Variants in TBC1D5 observed in about 807,000 individuals in gnomAD.
TBC1D5 encodes TBC1 domain family member 5, also known as TBC1 domain family, member 5.
Under a neutral mutation model 100.3 loss-of-function variants are expected in TBC1D5, and 75 were observed. The ratio of observed to expected loss-of-function variants is 0.75; its 90% CI spans 0.62 to 0.91. The LOEUF (loss-of-function observed/expected upper bound fraction) is 0.91. Among genes scored for constraint, TBC1D5 ranks in the 40% least tolerant of loss-of-function variants. The probability of loss-of-function intolerance (pLI) is 0.00; values close to 1 mark genes in which losing one functional copy is unlikely to be tolerated. For missense variants in TBC1D5, 910 were observed against 942.4 expected (o/e 0.97, Z 0.45); for synonymous variants, 323 against 325.6 (o/e 0.99, Z 0.09).
intron 11 of TBC1D5, 39 bp from the exon 12 acceptor site, chr3:17,374,579 A>C (rs2092622080): frequency 6.2e-7 from 1 of 1,609,148 alleles, no homozygotes; most frequent in South Asian, 1.1e-5. Context: ...AACTTTCATT[A>C]AAATAATGAT....
chr3:17,666,071 A>G (rs1308660393), intron 1 of TBC1D5, among the ~76,000 whole-genome samples: 1 of 152,216 alleles, frequency 6.6e-6, no homozygotes, highest in Non-Finnish European at 1.5e-5. Context: ...CCATGTTTTT[A>G]AAAGTATTAT....
chr3:17,694,753 A>G (rs2071739987), intron 1 of TBC1D5, among the ~76,000 whole-genome samples: 1 of 152,170 alleles, frequency 6.6e-6, no homozygotes, highest in African/African-American at 2.4e-5. Flanking sequence ...AGAACACCAT[A>G]AAGATACTCC....
rs1193430526 is a variant in TBC1D5 at position 17,406,403 on chromosome 3, A to G, written c.276+15T>C. ...TATTGCAACCAGAAACTGTAAATAA[A>G]TATTTTCTTCTTACCTTCCAGCAAA... On this transcript the variant is annotated intron_variant, in intron 5 of 21. Coordinates refer to ENST00000253692, the Ensembl canonical transcript of TBC1D5. The G allele has an allele frequency of 2.5e-6, 4 of 1,601,356 alleles. No individual in the cohort carries two copies. Among genetic ancestry groups the G allele is most frequent in the Non-Finnish European group, 3.4e-6 (4 of 1,175,200 alleles).
chr3:17,244,728 T>C (rs1429384857), intron 16 of TBC1D5, among the ~76,000 whole-genome samples: 1 of 152,198 alleles, frequency 6.6e-6, no homozygotes, highest in Non-Finnish European at 1.5e-5. Flanking sequence ...AACTCTGTCA[T>C]TATTGATCTG....
intron 13 of TBC1D5, among the ~76,000 whole-genome samples, chr3:17,351,351 C>A (rs928984060): frequency 6.6e-6 from 1 of 152,088 alleles, no homozygotes; most frequent in Non-Finnish European, 1.5e-5. Flanking sequence ...CAATGTTAGA[C>A]TGGATAAGGA....
intron 2 of TBC1D5, among the ~76,000 whole-genome samples, chr3:17,574,234 G>A (rs2096644267): frequency 6.6e-6 from 1 of 151,952 alleles, no homozygotes; most frequent in Non-Finnish European, 1.5e-5. Flanking sequence ...GCATCTCTGT[G>A]TGGTATTTAA....
At chr3:17,533,011 C>T (rs996542101) in intron 2 of TBC1D5, among the ~76,000 whole-genome samples, 1 of 150,842 alleles carries the variant, frequency 6.6e-6, no homozygotes, top group African/African-American at 2.4e-5. Context: ...AAAATTTGAT[C>T]ACACCACTGC....
chr3:17,506,160 A>G (rs543822183), intron 3 of TBC1D5, among the ~76,000 whole-genome samples: 1 of 152,350 alleles, frequency 6.6e-6, no homozygotes, highest in African/African-American at 2.4e-5. Context: ...CCCAGGTAAG[A>G]CATATATTAA....
chr3:17,443,943 T>C (rs1181432654), intron 3 of TBC1D5, among the ~76,000 whole-genome samples: 1 of 152,170 alleles, frequency 6.6e-6, no homozygotes, highest in African/African-American at 2.4e-5. Context: ...AGCCTCCCAG[T>C]AAATCTTCAA....
chr3:17,701,329 G>T (rs752074604), intron 1 of TBC1D5, among the ~76,000 whole-genome samples: 1 of 152,096 alleles, frequency 6.6e-6, no homozygotes, highest in Non-Finnish European at 1.5e-5. Flanking sequence ...CCTGTTAGGG[G>T]GTAGGGGGCT....
intron 3 of TBC1D5, among the ~76,000 whole-genome samples, chr3:17,488,056 T>C (rs1224192110): frequency 6.6e-6 from 1 of 152,232 alleles, no homozygotes; most frequent in Non-Finnish European, 1.5e-5. Flanking sequence ...TGACAACTTA[T>C]AATGACATGT....
intron 3 of TBC1D5, among the ~76,000 whole-genome samples, chr3:17,485,912 G>A (rs1223577881): frequency 2.6e-5 from 4 of 152,056 alleles, no homozygotes; most frequent in African/African-American, 4.8e-5. Flanking sequence ...CTGAGGAATC[G>A]CCACACTGAC....
intron 3 of TBC1D5, among the ~76,000 whole-genome samples, chr3:17,463,318 A>G (rs1441875505): frequency 1.3e-5 from 2 of 152,166 alleles, no homozygotes; most frequent in African/African-American, 4.8e-5. Context: ...TAACTTGCTG[A>G]TATTTATTTG....
At chr3:17,736,519 A>G (rs762337676) in intron 1 of TBC1D5, among the ~76,000 whole-genome samples, 4 of 152,178 alleles carry the variant, frequency 2.6e-5, no homozygotes, top group Non-Finnish European at 5.9e-5. Context: ...GTAGACAAAC[A>G]TGGAAATAGT....
At chr3:17,236,094 T>C (rs2075829714) in intron 17 of TBC1D5, among the ~76,000 whole-genome samples, 1 of 152,190 alleles carries the variant, frequency 6.6e-6, no homozygotes, top group Non-Finnish European at 1.5e-5. Context: ...TTTCATCAAT[T>C]GTTCCATCTC....
chr3:17,469,874 G>T (rs112659360), intron 3 of TBC1D5, among the ~76,000 whole-genome samples: 2 of 152,194 alleles, frequency 1.3e-5, no homozygotes, highest in African/African-American at 4.8e-5. Context: ...TTTTTATTAG[G>T]ATATATAACT....
Position 17,530,422 on chromosome 3 carries a change from G to A in TBC1D5, c.-35-21817C>T, listed in dbSNP as rs575356495. 3.3e-5 allele frequency among the ~76,000 whole-genome samples: 5 copies of A among 152,156 alleles called. No homozygotes were observed. The South Asian group carries it at 1.0e-3, about 32-fold the overall frequency. On this transcript the variant is annotated intron_variant, in intron 2 of 21. Coordinates refer to ENST00000253692, the Ensembl canonical transcript of TBC1D5. ...GCTCATTTCTCTCTGTTTAGAGGGA[G>A]TGACCATAATTTAGATTTAAGTGAC...
chr3:17,284,105 C>CACACACACACACACAG (rs2080899660), intron 15 of TBC1D5, among the ~76,000 whole-genome samples: 1 of 150,812 alleles, frequency 6.6e-6, no homozygotes, highest in African/African-American at 2.5e-5. Context: ...CACACACACA[C>CACACACACACACACAG]ACACACACAC....
chr3:17,358,981 T>C (rs531634290), intron 13 of TBC1D5, among the ~76,000 whole-genome samples: 73 of 152,140 alleles, frequency 4.8e-4, no homozygotes, highest in African/African-American at 1.6e-3. Context: ...AAAATACATA[T>C]ACATGCCTAA....
Sources: allele counts gnomAD v4.1 joint callset (sites outside exome capture counted in the v4.1 genomes callset), GRCh38; gene constraint gnomAD v4.1.1; transcripts MANE v1.5; gene names NCBI Gene and HGNC (gene_info 2026-07-23, HGNC 2026-07-21).